SMAP1: variants seen among roughly 807,000 people sequenced by gnomAD.
SMAP1 encodes the protein stromal membrane-associated protein 1.
A neutral mutation model predicts 58.5 loss-of-function variants in SMAP1; 24 were observed. That is an observed-to-expected ratio of 0.41 (90% CI 0.30 to 0.58). SMAP1 has a LOEUF of 0.58. Among genes scored for constraint, SMAP1 ranks in the 20% least tolerant of loss-of-function variants. SMAP1 has a pLI of 0.29. For missense variants in SMAP1, 563 were observed against 566.3 expected, an observed-to-expected ratio of 0.99 and a Z score of 0.06; for synonymous variants, 216 against 196.6, an observed-to-expected ratio of 1.10 and a Z score of -0.82.
chr6:70,765,858 T>C (rs896618000), intron 3 of SMAP1, among the ~76,000 whole-genome samples: 10 of 151,996 alleles, frequency 6.6e-5, no homozygotes, highest in Non-Finnish European at 1.2e-4. Context: ...ACTCGTCATT[T>C]AGCATTAGGT....
chr6:70,761,711 C>T (rs1766754042), intron 3 of SMAP1, among the ~76,000 whole-genome samples: 1 of 151,936 alleles, frequency 6.6e-6, no homozygotes, highest in Non-Finnish European at 1.5e-5. Context: ...CACTATGTAC[C>T]ATCTACTATT....
intron 5 of SMAP1, among the ~76,000 whole-genome samples, chr6:70,796,838 T>TAAAA (rs1421672777): frequency 6.6e-6 from 1 of 152,214 alleles, no homozygotes; most frequent in East Asian, 1.9e-4. Flanking sequence ...TGTTGACTTT[T>TAAAA]ATCCTGTTCC....
intron 7 of SMAP1, among the ~76,000 whole-genome samples, chr6:70,848,878 A>C (rs964579078): frequency 3.3e-5 from 5 of 152,242 alleles, no homozygotes; most frequent in Non-Finnish European, 7.3e-5. Flanking sequence ...CCCACTGGGA[A>C]CTTGTGTTTA....
intron 6 of SMAP1, among the ~76,000 whole-genome samples, chr6:70,811,789 G>A (rs953373182): frequency 6.6e-6 from 1 of 152,098 alleles, no homozygotes; most frequent in African/African-American, 2.4e-5. Context: ...TTGCTTTTTG[G>A]AATTTGTGAA....
At chr6:70,743,820 G>A (rs372045732) in intron 2 of SMAP1, among the ~76,000 whole-genome samples, 1 of 152,164 alleles carries the variant, frequency 6.6e-6, no homozygotes, top group Non-Finnish European at 1.5e-5. Flanking sequence ...TTGGGTTATT[G>A]TATTGCCTGC....
intron 1 of SMAP1, among the ~76,000 whole-genome samples, chr6:70,684,709 A>T (rs112436871): frequency 0.17 from 26,268 of 151,988 alleles, 3,618 homozygotes; most frequent in East Asian, 0.61. Flanking sequence ...GAACTTGTTT[A>T]CATTTTTATT....
At chr6:70,768,327 G>A (rs570371194) in intron 3 of SMAP1, among the ~76,000 whole-genome samples, 116 of 152,196 alleles carry the variant, frequency 7.6e-4, no homozygotes, top group African/African-American at 1.4e-3. Context: ...AAGGAATGGT[G>A]CCAGTTCCTC....
intron 7 of SMAP1, among the ~76,000 whole-genome samples, chr6:70,846,250 T>C (rs186690187): frequency 3.3e-5 from 5 of 152,346 alleles, no homozygotes; most frequent in African/African-American, 7.2e-5. Flanking sequence ...TTTTCCGCCA[T>C]GGCTCTGCTG....
At chr6:70,813,205 A>G (rs1306060165) in intron 6 of SMAP1, among the ~76,000 whole-genome samples, 2 of 152,184 alleles carry the variant, frequency 1.3e-5, no homozygotes, top group African/African-American at 2.4e-5. Context: ...GTACTGGCCT[A>G]TGATAGTGTA....
At chr6:70,698,495 T>TA (rs1364803881) in intron 1 of SMAP1, among the ~76,000 whole-genome samples, 1 of 152,230 alleles carries the variant, frequency 6.6e-6, no homozygotes, top group Non-Finnish European at 1.5e-5. Flanking sequence ...CATCTCTCTC[T>TA]ACCTCCTTGT....
At chr6:70,730,011 T>A (rs2149858775) in intron 1 of SMAP1, among the ~76,000 whole-genome samples, 1 of 152,308 alleles carries the variant, frequency 6.6e-6, no homozygotes, top group South Asian at 2.1e-4. Context: ...ACATTAGGGT[T>A]TGAGAGACAC....
In SMAP1 at chr6:70,760,881, A is replaced by AGCAC; in HGVS notation, c.338+5816_338+5817insGCAC. Among the ~76,000 whole-genome samples, 3 of 152,232 alleles carry AGCAC rather than the reference A, an allele frequency of 2.0e-5. No homozygotes were observed. In the Middle Eastern group the frequency reaches 0.01, roughly 518 times the overall value. On this transcript the variant is annotated intron_variant, in intron 3 of 10. Transcript: ENST00000370455. Reference sequence around the variant, plus strand: ...TTTCTAATGTGGGATGTGGTTAATTATAGGCTGCATGTCCTAGTGCATGAC... The same window carrying AGCAC: ...TTTCTAATGTGGGATGTGGTTAATTAGCACTAGGCTGCATGTCCTAGTGCATGAC...
intron 6 of SMAP1, among the ~76,000 whole-genome samples, chr6:70,803,181 T>C (rs1028851920): frequency 5.3e-5 from 8 of 151,998 alleles, no homozygotes; most frequent in African/African-American, 1.7e-4. Flanking sequence ...AATTTCAGAG[T>C]CTGTTATTGG....
intron 1 of SMAP1, chr6:70,694,140 G>T: frequency 2.8e-6 from 1 of 357,102 alleles, no homozygotes; most frequent in South Asian, 2.5e-5. Flanking sequence ...TTTACATCTT[G>T]AATGCTACAT....
chr6:70,669,905 C>G (rs1766193224), intron 1 of SMAP1, among the ~76,000 whole-genome samples: 1 of 151,616 alleles, frequency 6.6e-6, no homozygotes, highest in Non-Finnish European at 1.5e-5. Flanking sequence ...TTCACTAATG[C>G]TTTCTAAAAT....
intron 1 of SMAP1, among the ~76,000 whole-genome samples, chr6:70,682,804 G>A (rs1360857361): frequency 6.6e-6 from 1 of 152,132 alleles, no homozygotes; most frequent in Admixed American, 6.5e-5. Flanking sequence ...TTGGGAGGCC[G>A]AGGTAGGCCG....
At chr6:70,855,798 A>G (rs1771393146) in intron 8 of SMAP1, among the ~76,000 whole-genome samples, 2 of 152,236 alleles carry the variant, frequency 1.3e-5, no homozygotes, top group Non-Finnish European at 2.9e-5. Flanking sequence ...CTTCATTGGT[A>G]GCTTAGATAT....
intron 1 of SMAP1, among the ~76,000 whole-genome samples, chr6:70,680,378 C>T (rs1392729888): frequency 6.6e-6 from 1 of 152,106 alleles, no homozygotes; most frequent in Non-Finnish European, 1.5e-5. Flanking sequence ...TCAAGAGACA[C>T]TTAAAAATCA....
chr6:70,667,989 C>A lies in SMAP1; in HGVS notation c.-35C>A. The A allele has an allele frequency of 1.3e-6, 2 of 1,542,200 alleles. No individual in the cohort carries two copies. The highest frequency in any genetic ancestry group is 1.8e-6 in the Non-Finnish European group (2 of 1,142,116). On this transcript the variant is annotated 5_prime_UTR_variant, in exon 1 of 11. Coordinates refer to ENST00000370455, the MANE Select transcript of SMAP1 (RefSeq NM_001044305.3). Reference sequence around the variant, plus strand: ...GGCTCCAGCCAGCGTCCGCCGCCGCCGTAGCTGCCCCAGGCTCCCCGCCCC... The same window carrying A: ...GGCTCCAGCCAGCGTCCGCCGCCGCAGTAGCTGCCCCAGGCTCCCCGCCCC...
Sources: allele counts gnomAD v4.1 joint callset (sites outside exome capture counted in the v4.1 genomes callset), GRCh38; gene constraint gnomAD v4.1.1; transcripts MANE v1.5; gene names NCBI Gene and HGNC (gene_info 2026-07-23, HGNC 2026-07-21).